Variants in NREP observed in about 807,000 individuals in gnomAD.
The protein encoded by NREP is neuronal regeneration related protein.
A neutral mutation model predicts 8.6 loss-of-function variants in NREP; 5 were observed. The observed-to-expected ratio is 0.58, with a 90% CI of 0.30 to 1.22. NREP has a LOEUF of 1.22. Ranked by LOEUF, NREP falls within the 50% of genes most tolerant of loss-of-function variation. The pLI is 0.07. For synonymous variants in NREP, 27 were observed against 28.0 expected, an observed-to-expected ratio of 0.96 and a Z score of 0.11; for missense variants, 86 against 82.5, an observed-to-expected ratio of 1.04 and a Z score of -0.17.
chr5:111,900,678 C>A (rs1469054041), intron 2 of NREP, among the ~76,000 whole-genome samples: 1 of 151,904 alleles, frequency 6.6e-6, no homozygotes, highest in Non-Finnish European at 1.5e-5. Context: ...TGCTAAATTC[C>A]TGGGCATACA....
intron 2 of NREP, among the ~76,000 whole-genome samples, chr5:111,878,943 G>C (rs944780484): frequency 6.6e-6 from 1 of 152,246 alleles, no homozygotes; most frequent in Non-Finnish European, 1.5e-5. Context: ...GACACTGTTT[G>C]ATATAGTTTG....
At chr5:111,769,714 C>T (rs1208143244) in intron 2 of NREP, among the ~76,000 whole-genome samples, 2 of 152,126 alleles carry the variant, frequency 1.3e-5, no homozygotes, top group Admixed American at 6.5e-5. Flanking sequence ...GAAGCAAGCC[C>T]GTCTTACTAT....
At chr5:111,928,129 A>G (rs73225626) in intron 2 of NREP, among the ~76,000 whole-genome samples, 8,674 of 152,176 alleles carry the variant, frequency 0.057, 386 homozygotes, top group East Asian at 0.11. Context: ...CTGAGATCAT[A>G]TGGCATTCTT....
intron 2 of NREP, among the ~76,000 whole-genome samples, chr5:111,969,861 A>G (rs972965186): frequency 1.3e-5 from 2 of 152,200 alleles, no homozygotes; most frequent in Non-Finnish European, 2.9e-5. Flanking sequence ...AAAATGTGGT[A>G]CTGGTGGATT....
intron 2 of NREP, among the ~76,000 whole-genome samples, chr5:111,839,280 G>A (rs1752968030): frequency 6.6e-6 from 1 of 152,066 alleles, no homozygotes; most frequent in African/African-American, 2.4e-5. Flanking sequence ...CTCACTAGCT[G>A]GGGGAACACA....
At chr5:111,836,886 G>T (rs1186460440) in intron 2 of NREP, among the ~76,000 whole-genome samples, 1 of 151,918 alleles carries the variant, frequency 6.6e-6, no homozygotes, top group Non-Finnish European at 1.5e-5. Flanking sequence ...CTTCTTTCTG[G>T]GTGCTAGGAC....
intron 2 of NREP, among the ~76,000 whole-genome samples, chr5:111,811,573 G>C (rs1752269929): frequency 6.6e-6 from 1 of 152,136 alleles, no homozygotes; most frequent in African/African-American, 2.4e-5. Flanking sequence ...CTCTGAAGCT[G>C]GGACATATCA....
intron 2 of NREP, among the ~76,000 whole-genome samples, chr5:111,748,745 T>G (rs1184227218): frequency 6.6e-6 from 1 of 152,060 alleles, no homozygotes; most frequent in Non-Finnish European, 1.5e-5. Flanking sequence ...ACCATCCCAC[T>G]GGTAGAGGAA....
chr5:111,885,015 G>A (rs1463858284), intron 2 of NREP, among the ~76,000 whole-genome samples: 1 of 152,148 alleles, frequency 6.6e-6, no homozygotes, highest in Admixed American at 6.5e-5. Context: ...TATTCAATTA[G>A]GAAAAGAGGA....
At chr5:111,731,571 C>T (rs1046011743) in intron 3 of NREP, among the ~76,000 whole-genome samples, 9 of 151,992 alleles carry the variant, frequency 5.9e-5, no homozygotes, top group East Asian at 3.9e-4. Context: ...GTGCAATCGG[C>T]GCATGACAGA....
intron 2 of NREP, among the ~76,000 whole-genome samples, chr5:111,875,297 T>C (rs935283280): frequency 6.6e-6 from 1 of 151,744 alleles, no homozygotes; most frequent in East Asian, 1.9e-4. Context: ...CTGAGGCAAA[T>C]AGAAAAAGAA....
chr5:111,919,887 GA>G (rs1755179756), intron 2 of NREP, among the ~76,000 whole-genome samples: 3 of 148,568 alleles, frequency 2.0e-5, no homozygotes, highest in Non-Finnish European at 1.5e-5. Context: ...AAGAAAGAAA[GA>G]AAGAAAGAAA....
At chr5:111,751,514 C>A (rs919148839) in intron 2 of NREP, among the ~76,000 whole-genome samples, 1 of 152,148 alleles carries the variant, frequency 6.6e-6, no homozygotes. Context: ...ATAATTTCTA[C>A]AGATGTGGAC....
At chr5:111,775,016 A>G (rs1445413320) in intron 2 of NREP, among the ~76,000 whole-genome samples, 1 of 152,028 alleles carries the variant, frequency 6.6e-6, no homozygotes, top group African/African-American at 2.4e-5. Context: ...GTGAGGAGAA[A>G]TTTTCCTGAA....
chr5:111,776,330 G>A (rs185424849), intron 2 of NREP, among the ~76,000 whole-genome samples: 1 of 152,108 alleles, frequency 6.6e-6, no homozygotes, highest in Admixed American at 6.6e-5. Flanking sequence ...TTAAATACAT[G>A]ATGGGAATAC....
chr5:111,757,905 C>A (rs1196741675), upstream of NREP: 5 of 985,148 alleles, frequency 5.1e-6, no homozygotes, highest in African/African-American at 8.7e-5. Flanking sequence ...CCGCCAGGGC[C>A]GTGGGGAGAG....
intron 2 of NREP, among the ~76,000 whole-genome samples, chr5:111,763,256 T>C (rs1751006407): frequency 6.6e-6 from 1 of 152,172 alleles, no homozygotes; most frequent in Non-Finnish European, 1.5e-5. Context: ...CCATTGACAC[T>C]GGGGATGCTG....
At chr5:111,756,795 T>C (rs1006321908) in intron 1 of NREP, among the ~76,000 whole-genome samples, 2 of 152,136 alleles carry the variant, frequency 1.3e-5, no homozygotes, top group Admixed American at 1.3e-4. Flanking sequence ...CAAAGTGCAT[T>C]TAATGCAAAG....
chr5:111,743,653 C>T (rs930556231), intron 2 of NREP, among the ~76,000 whole-genome samples: 5 of 152,112 alleles, frequency 3.3e-5, no homozygotes, highest in African/African-American at 1.2e-4. Flanking sequence ...TATTATTCAC[C>T]ACAATTGAGA....
Sources: gnomAD v4.1 joint callset for allele counts (sites outside exome capture counted in the v4.1 genomes callset) on GRCh38, gnomAD v4.1.1 for gene constraint, MANE v1.5 for transcripts, NCBI Gene and HGNC (gene_info 2026-07-23, HGNC 2026-07-21) for gene names.